The following MIIP variants were observed in gnomAD, a reference collection of about 807,000 sequenced individuals.
The protein encoded by MIIP is migration and invasion-inhibitory protein.
In MIIP, 44 loss-of-function variants were observed where a neutral mutation model predicts 44.8. The ratio of observed to expected loss-of-function variants is 0.98; its 90% CI spans 0.77 to 1.26. MIIP has a LOEUF of 1.26. MIIP is among the 50% of genes most tolerant of loss of function. MIIP has a pLI of 0.00. For synonymous variants in MIIP, 225 were observed against 218.3 expected (o/e 1.03, Z -0.27); for missense variants, 496 against 511.7 (o/e 0.97, Z 0.30).
chr1:12,025,028 C>CTTTTTTTTTTTTTTTTTTTTTTTTTT (rs147513513), intron 4 of MIIP, among the ~76,000 whole-genome samples: 62 of 123,910 alleles, frequency 5.0e-4, no homozygotes, highest in African/African-American at 6.3e-4. Context: ...AATTCCCTTC[C>CTTTTTTTTTTTTTTTTTTTTTTTTTT]TTTTTTTTTT....
chr1:12,024,620 G>C (rs1411882804), intron 4 of MIIP, among the ~76,000 whole-genome samples: 1 of 152,164 alleles, frequency 6.6e-6, no homozygotes, highest in Non-Finnish European at 1.5e-5. Context: ...CACCATGTTG[G>C]CCAGGCTGGT....
At chr1:12,027,485 TC>T (rs759434363) in intron 4 of MIIP, among the ~76,000 whole-genome samples, 1 of 152,150 alleles carries the variant, frequency 6.6e-6, no homozygotes, top group East Asian at 1.9e-4. Context: ...CCCCTGGACT[TC>T]CAGCCACTTG....
chr1:12,025,304 C>T (rs1640084238), intron 4 of MIIP, among the ~76,000 whole-genome samples: 1 of 152,040 alleles, frequency 6.6e-6, no homozygotes, highest in South Asian at 2.1e-4. Context: ...AAGTGATTCT[C>T]CTGCCTCGGC....
At chr1:12,028,140 G>A (rs564416964) in intron 4 of MIIP, among the ~76,000 whole-genome samples, 1 of 152,358 alleles carries the variant, frequency 6.6e-6, no homozygotes, top group South Asian at 2.1e-4. Context: ...CTGGGAGGCA[G>A]AGGTTGCAGT....
At chr1:12,026,529 C>T (rs1640107670) in intron 4 of MIIP, among the ~76,000 whole-genome samples, 1 of 152,202 alleles carries the variant, frequency 6.6e-6, no homozygotes, top group African/African-American at 2.4e-5. Flanking sequence ...GGCCCTGCTC[C>T]AGCGTGCTCC....
intron 2 of MIIP, 99 bp downstream of exon 2, chr1:12,021,939 C>T (rs1639985026): frequency 1.6e-6 from 2 of 1,238,208 alleles, no homozygotes; most frequent in Non-Finnish European, 2.3e-6. Context: ...ACCCATTTTA[C>T]TGATGATGGG....
At chr1:12,020,539 GCT>G (rs1639948792) in intron 1 of MIIP, among the ~76,000 whole-genome samples, 2 of 152,148 alleles carry the variant, frequency 1.3e-5, no homozygotes, top group African/African-American at 4.8e-5. Flanking sequence ...TGACAGTCTT[GCT>G]CTGTCACCCA....
At chr1:12,019,868 G>A (rs375614163) in intron 1 of MIIP, among the ~76,000 whole-genome samples, 1 of 152,258 alleles carries the variant, frequency 6.6e-6, no homozygotes, top group African/African-American at 2.4e-5. Flanking sequence ...ATAGGGGTGT[G>A]GCCCAGAGCC....
At chr1:12,023,296 T>C (rs979645914) in intron 4 of MIIP, among the ~76,000 whole-genome samples, 1 of 151,718 alleles carries the variant, frequency 6.6e-6, no homozygotes, top group Non-Finnish European at 1.5e-5. Flanking sequence ...GCTACTGAGC[T>C]CAAGATATCC....
rs1332471933 is a variant in MIIP, at chr1:12,022,907, C to G, written c.537C>G (p.Asp179Glu). 1.9e-6 allele frequency: 3 copies of G among 1,609,724 alleles called. No individual in the cohort carries two copies. The highest frequency in any genetic ancestry group is 2.5e-6 in the Non-Finnish European group (3 of 1,177,900). The change falls in exon 4 of 10, where the codon GAC becomes GAG. Residue 179 changes from aspartate to glutamate, a missense_variant. By Grantham distance (45) the Asp-to-Glu change is conservative. Coordinates refer to ENST00000235332, the MANE Select transcript of MIIP (RefSeq NM_021933.4). ...GCCTCAGGCCATACCTGGGCTATGA[C>G]TGGATTGCAGGTAAGGCGTGCTGTT... ...SWRLRPYLGY[D>E]WIAGSLDTSS...
At chr1:12,023,428 G>A (rs1640029079) in intron 4 of MIIP, among the ~76,000 whole-genome samples, 1 of 90,124 alleles carries the variant, frequency 1.1e-5, no homozygotes, top group African/African-American at 3.4e-5. Context: ...TTTTGAGATA[G>A]TCTCTCGCTC....
At position 12,031,747 on chromosome 1, in the gene MIIP, C is replaced by T. The variant is rs200647132; in HGVS notation, c.1106C>T (p.Pro369Leu). The change falls in exon 10 of 10, where the codon CCG (proline) becomes CTG (leucine). Residue 369 changes from proline (P) to leucine (L), a missense_variant. Coordinates refer to ENST00000235332, the MANE Select transcript of MIIP (RefSeq NM_021933.4). Reference protein sequence around the residue: ...HPASPMQMLPPTPTWSVPQVP... With the variant: ...HPASPMQMLPLTPTWSVPQVP... Reference sequence around the variant, plus strand: ...GCCTCACCAATGCAGATGCTGCCCCCGACCCCGACCTGGTCAGTGCCCCAG... The same window carrying T: ...GCCTCACCAATGCAGATGCTGCCCCTGACCCCGACCTGGTCAGTGCCCCAG... 6.3e-5 allele frequency: 102 copies of T among 1,614,060 alleles called. No homozygotes were observed. The East Asian group carries it at 1.6e-3, about 25-fold the overall frequency.
Position 12,029,220 on chromosome 1 carries a change from CAG to C in MIIP, c.657-1_657del. On this transcript the variant is annotated splice_acceptor_variant, in intron 5 of 9. Coordinates refer to ENST00000235332, the MANE Select transcript of MIIP (RefSeq NM_021933.4). LOFTEE classifies it high-confidence loss of function. ...GGCCTGCTCATCCCCCTCGCCCTCT[CAG>C]ACCCCAGTTGCCAGGCCTGCGTGAG... 6.2e-7 allele frequency: 1 copy of C among 1,613,728 alleles called. No individual in the cohort carries two copies. Among genetic ancestry groups the C allele is most frequent in the Non-Finnish European group, 8.5e-7 (1 of 1,179,874 alleles).
Position 12,031,409 on chromosome 1 carries a change from G to A in MIIP, c.1080+6G>A. Reference sequence around the variant, plus strand: ...CCAGCAGCCCTTTTCACCCGGTACGGTCCAGATCGCATCCTAGCCTGGGGT... The same window carrying A: ...CCAGCAGCCCTTTTCACCCGGTACGATCCAGATCGCATCCTAGCCTGGGGT... On this transcript the variant is annotated splice_donor_region_variant and intron_variant, in intron 9 of 9. Transcript: ENST00000235332. The A allele has an allele frequency of 6.2e-7, 1 of 1,611,320 alleles. No individual in the cohort carries two copies. The highest frequency in any genetic ancestry group is 8.5e-7 in the Non-Finnish European group (1 of 1,178,408).
chr1:12,024,533 C>T (rs1425178563), intron 4 of MIIP, among the ~76,000 whole-genome samples: 1 of 152,180 alleles, frequency 6.6e-6, no homozygotes, highest in East Asian at 1.9e-4. Context: ...CCTGCCTCAG[C>T]GTCCCGAGTA....
intron 4 of MIIP, among the ~76,000 whole-genome samples, chr1:12,023,478 A>G (rs1057075938): frequency 3.3e-5 from 5 of 150,188 alleles, no homozygotes; most frequent in Non-Finnish European, 7.4e-5. Flanking sequence ...ATCTCGGCTC[A>G]CTGCAAGCCC....
intron 6 of MIIP, 154 bp downstream of exon 6, chr1:12,029,435 TG>T: frequency 2.2e-6 from 2 of 898,802 alleles, no homozygotes; most frequent in Non-Finnish European, 3.3e-6. Flanking sequence ...CTGGACAGGG[TG>T]GCCAAGCCCT....
intron 1 of MIIP, among the ~76,000 whole-genome samples, chr1:12,020,441 A>T (rs1332189507): frequency 6.6e-6 from 1 of 152,198 alleles, no homozygotes; most frequent in African/African-American, 2.4e-5. Flanking sequence ...ATAGACGTTT[A>T]TTGAATGCTT....
chr1:12,029,633 G>A, intron 6 of MIIP, 132 bp from the exon 7 acceptor site: 1 of 1,297,526 alleles, frequency 7.7e-7, no homozygotes. Flanking sequence ...AAGGGGTTAG[G>A]AGGAAATGGG....
Sources: allele counts gnomAD v4.1 joint callset (sites outside exome capture counted in the v4.1 genomes callset), GRCh38; gene constraint gnomAD v4.1.1; transcripts MANE v1.5; gene names NCBI Gene and HGNC (gene_info 2026-07-23, HGNC 2026-07-21).